TSNARE1: variants seen among roughly 807,000 people sequenced by gnomAD.
TSNARE1 encodes the protein t-SNARE domain-containing protein 1.
Under a neutral mutation model 62.0 loss-of-function variants are expected in TSNARE1, and 49 were observed. The observed-to-expected ratio is 0.79, with a 90% CI of 0.63 to 1.00. The LOEUF (loss-of-function observed/expected upper bound fraction) is 1.00. Ranked by LOEUF, TSNARE1 falls within the 50% of genes least tolerant of loss-of-function variation. The probability of loss-of-function intolerance (pLI) is 0.00; values close to 1 mark genes in which losing one functional copy is unlikely to be tolerated. For synonymous variants in TSNARE1, 328 were observed against 294.4 expected, an observed-to-expected ratio of 1.11 and a Z score of -1.17; for missense variants, 755 against 700.1, an observed-to-expected ratio of 1.08 and a Z score of -0.88.
intron 12 of TSNARE1, among the ~76,000 whole-genome samples, chr8:142,258,477 C>CTTT (rs56675860): frequency 1.2e-4 from 13 of 107,238 alleles, no homozygotes; most frequent in East Asian, 2.8e-4. Flanking sequence ...AGAACTTGTG[C>CTTT]TTTTTTTTTT....
intron 11 of TSNARE1, chr8:142,275,495 C>T (rs148015476): frequency 5.3e-5 from 52 of 985,382 alleles, no homozygotes; most frequent in East Asian, 1.1e-4. Context: ...AGACCAGGGC[C>T]GGGGCAGCCC....
At chr8:142,299,308 G>A (rs1352379660) in intron 10 of TSNARE1, among the ~76,000 whole-genome samples, 1 of 152,236 alleles carries the variant, frequency 6.6e-6, no homozygotes, top group Non-Finnish European at 1.5e-5. Context: ...TGGGAGAGCA[G>A]AACCAGCCAC....
intron 4 of TSNARE1, among the ~76,000 whole-genome samples, chr8:142,336,944 G>A (rs1177495483): frequency 1.3e-5 from 2 of 151,816 alleles, no homozygotes; most frequent in African/African-American, 4.8e-5. Context: ...GAGAAATTAG[G>A]AAATAACTGA....
chr8:142,362,986 G>A (rs991335345), intron 1 of TSNARE1, among the ~76,000 whole-genome samples: 13 of 152,250 alleles, frequency 8.5e-5, no homozygotes, highest in East Asian at 1.9e-4. Flanking sequence ...CTGGACGCTC[G>A]GGTCCTGGCC....
chr8:142,299,614 TACAC>T (rs1400855519), intron 10 of TSNARE1, among the ~76,000 whole-genome samples: 2 of 152,112 alleles, frequency 1.3e-5, no homozygotes, highest in African/African-American at 4.8e-5. Flanking sequence ...TGCATGCACT[TACAC>T]ATGCATGCAC....
intron 1 of TSNARE1, among the ~76,000 whole-genome samples, chr8:142,377,808 G>C (rs1485905987): frequency 6.6e-6 from 1 of 152,186 alleles, no homozygotes; most frequent in African/African-American, 2.4e-5. Flanking sequence ...GGAAGCACTG[G>C]AAACAAAAAT....
intron 13 of TSNARE1, among the ~76,000 whole-genome samples, chr8:142,221,082 C>G (rs1245713483): frequency 6.6e-6 from 1 of 152,234 alleles, no homozygotes; most frequent in East Asian, 1.9e-4. Flanking sequence ...GAGATCCTGC[C>G]TCACTCCACC....
intron 1 of TSNARE1, among the ~76,000 whole-genome samples, chr8:142,391,312 T>TGG (rs1837509488): frequency 1.4e-5 from 2 of 139,380 alleles, no homozygotes; most frequent in Admixed American, 7.1e-5. Context: ...TGTACACTGC[T>TGG]GGAGACTCTG....
At chr8:142,304,012 C>G (rs982641971) in intron 9 of TSNARE1, among the ~76,000 whole-genome samples, 1 of 152,268 alleles carries the variant, frequency 6.6e-6, no homozygotes, top group Non-Finnish European at 1.5e-5. Flanking sequence ...GATGGTGAGG[C>G]TGCCCTAGCC....
chr8:142,253,082 G>T (rs2130301579), intron 12 of TSNARE1, among the ~76,000 whole-genome samples: 1 of 152,342 alleles, frequency 6.6e-6, no homozygotes, highest in South Asian at 2.1e-4. Context: ...CCCACTCCCG[G>T]GTGCAGTATC....
chr8:142,336,458 CCA>C (rs1378052027), intron 4 of TSNARE1, among the ~76,000 whole-genome samples: 1 of 151,840 alleles, frequency 6.6e-6, no homozygotes, highest in Non-Finnish European at 1.5e-5. Context: ...GAATTCAGAA[CCA>C]CAAATATAAT....
At chr8:142,240,761 A>G (rs1461374564) in intron 12 of TSNARE1, among the ~76,000 whole-genome samples, 2 of 152,244 alleles carry the variant, frequency 1.3e-5, no homozygotes, top group Non-Finnish European at 2.9e-5. Context: ...AAGAAAAATG[A>G]TAATAGACAT....
chr8:142,360,384 A>G (rs1222329482), intron 1 of TSNARE1, among the ~76,000 whole-genome samples: 1 of 152,162 alleles, frequency 6.6e-6, no homozygotes, highest in East Asian at 1.9e-4. Flanking sequence ...GGGCCGCAGA[A>G]GCCATTCGCA....
At chr8:142,354,511 G>A (rs559159445) in intron 2 of TSNARE1, 126 bp downstream of exon 2, 25 of 670,604 alleles carry the variant, frequency 3.7e-5, no homozygotes, top group Middle Eastern at 3.0e-4. Flanking sequence ...CCCCATCTCA[G>A]GACACAGGCC....
intron 6 of TSNARE1, among the ~76,000 whole-genome samples, chr8:142,324,922 G>A (rs1829986224): frequency 6.6e-6 from 1 of 152,268 alleles, no homozygotes; most frequent in South Asian, 2.1e-4. Context: ...GCTGTGGGAA[G>A]AGCCTGTGGC....
intron 13 of TSNARE1, among the ~76,000 whole-genome samples, chr8:142,217,631 G>T (rs1422071970): frequency 6.6e-6 from 1 of 152,250 alleles, no homozygotes; most frequent in Admixed American, 6.5e-5. Context: ...GAAACAGTGT[G>T]CATGCACCAT....
At chr8:142,285,859 C>T (rs1005037972) in intron 10 of TSNARE1, among the ~76,000 whole-genome samples, 11 of 152,174 alleles carry the variant, frequency 7.2e-5, no homozygotes, top group African/African-American at 2.2e-4. Flanking sequence ...GACGTGGCCA[C>T]GCCACTCTCA....
At chr8:142,352,117 G>A (rs945499821) in intron 2 of TSNARE1, among the ~76,000 whole-genome samples, 5 of 152,332 alleles carry the variant, frequency 3.3e-5, no homozygotes, top group Admixed American at 1.3e-4. Flanking sequence ...GTGAGAAGCC[G>A]GCCCGGCCTG....
intron 1 of TSNARE1, chr8:142,365,764 CA>C: frequency 3.9e-6 from 1 of 257,390 alleles, no homozygotes; most frequent in Non-Finnish European, 7.8e-6. Flanking sequence ...AAATTATGTC[CA>C]AAAGTCCTAA....
Sources: allele counts gnomAD v4.1 joint callset (sites outside exome capture counted in the v4.1 genomes callset), GRCh38; gene constraint gnomAD v4.1.1; transcripts MANE v1.5; gene names NCBI Gene and HGNC (gene_info 2026-07-23, HGNC 2026-07-21).